TTC23: variants seen among roughly 807,000 people sequenced by gnomAD.
TTC23 encodes tetratricopeptide repeat protein 23.
Under a neutral mutation model 55.1 loss-of-function variants are expected in TTC23, and 58 were observed. That is an observed-to-expected ratio of 1.05 (90% CI 0.85 to 1.31). TTC23 has a LOEUF of 1.31. Ranked by LOEUF, TTC23 falls within the 50% of genes most tolerant of loss-of-function variation. The pLI is 0.00. For missense variants in TTC23, 516 were observed against 534.4 expected, an observed-to-expected ratio of 0.97 and a Z score of 0.34; for synonymous variants, 203 against 199.9, an observed-to-expected ratio of 1.02 and a Z score of -0.13.
intron 12 of TTC23, among the ~76,000 whole-genome samples, chr15:99,151,921 C>G (rs548114169): frequency 6.6e-6 from 1 of 152,304 alleles, no homozygotes; most frequent in African/African-American, 2.4e-5. Flanking sequence ...CAAGACACGT[C>G]TCTCTCAGCC....
chr15:99,207,952 T>C (rs1442766580), intron 8 of TTC23, among the ~76,000 whole-genome samples: 1 of 152,172 alleles, frequency 6.6e-6, no homozygotes, highest in Non-Finnish European at 1.5e-5. Flanking sequence ...ATTCCACTCC[T>C]GGGAATATAC....
chr15:99,212,318 G>A (rs2077106438), intron 8 of TTC23, among the ~76,000 whole-genome samples: 1 of 151,876 alleles, frequency 6.6e-6, no homozygotes, highest in Non-Finnish European at 1.5e-5. Context: ...GCATATGCCT[G>A]TATATACAAA....
chr15:99,176,218 G>A (rs1309087515), intron 9 of TTC23, among the ~76,000 whole-genome samples: 5 of 152,150 alleles, frequency 3.3e-5, no homozygotes, highest in Admixed American at 6.5e-5. Flanking sequence ...AGTGTGTGCA[G>A]TACAAAAAAT....
chr15:99,183,315 T>C (rs897320994), intron 9 of TTC23, among the ~76,000 whole-genome samples: 1 of 150,628 alleles, frequency 6.6e-6, no homozygotes, highest in Non-Finnish European at 1.5e-5. Flanking sequence ...GGAAGAAATT[T>C]CTTTCTTTTC....
At chr15:99,158,585 G>A (rs1263040008) in intron 11 of TTC23, 1 of 152,536 alleles carries the variant, frequency 6.6e-6, no homozygotes, top group Non-Finnish European at 1.5e-5. Context: ...GGGCCAGTGA[G>A]TGGCCAGGCT....
At chr15:99,224,884 T>G (rs1469693671) in intron 5 of TTC23, among the ~76,000 whole-genome samples, 1 of 152,258 alleles carries the variant, frequency 6.6e-6, no homozygotes, top group Non-Finnish European at 1.5e-5. Flanking sequence ...AGGCTGAGCA[T>G]CTTCATGTGT....
intron 12 of TTC23, among the ~76,000 whole-genome samples, chr15:99,142,798 G>A (rs2068396152): frequency 6.6e-6 from 1 of 152,178 alleles, no homozygotes; most frequent in South Asian, 2.1e-4. Flanking sequence ...AAACCCGTGT[G>A]CTCACCATTT....
At chr15:99,200,137 T>C in intron 8 of TTC23, 41 bp from the exon 9 acceptor site, 2 of 1,479,260 alleles carry the variant, frequency 1.4e-6, no homozygotes, top group Non-Finnish European at 1.8e-6. Flanking sequence ...ATAATTAAAA[T>C]AGAAAATACT....
intron 8 of TTC23, among the ~76,000 whole-genome samples, chr15:99,213,051 G>T (rs2077175218): frequency 6.7e-6 from 1 of 149,604 alleles, no homozygotes. Flanking sequence ...AAATTATCTT[G>T]GCCTTCCACT....
chr15:99,251,093 T>C (rs2080704036), upstream of TTC23: 2 of 152,122 alleles, frequency 1.3e-5, no homozygotes, highest in Non-Finnish European at 2.9e-5. Flanking sequence ...ACTGAATGAA[T>C]GTATGAATGA....
intron 1 of TTC23, among the ~76,000 whole-genome samples, chr15:99,246,845 G>A (rs1288473432): frequency 6.6e-6 from 1 of 152,082 alleles, no homozygotes; most frequent in South Asian, 2.1e-4. Flanking sequence ...GCTTGAACCC[G>A]GAAGGTGGAC....
intron 9 of TTC23, among the ~76,000 whole-genome samples, chr15:99,190,814 C>T (rs2075188240): frequency 6.6e-6 from 1 of 152,054 alleles, no homozygotes; most frequent in Non-Finnish European, 1.5e-5. Context: ...GGGTGAAGTG[C>T]AGTGGCGTCC....
chr15:99,246,404 A>G (rs144664026), intron 1 of TTC23, among the ~76,000 whole-genome samples: 3,150 of 152,226 alleles, frequency 0.021, 96 homozygotes, highest in African/African-American at 0.072. Flanking sequence ...TCACGAGGTC[A>G]AGAGTTCAAG....
At chr15:99,163,836 C>G (rs2071703065) in intron 10 of TTC23, among the ~76,000 whole-genome samples, 1 of 152,216 alleles carries the variant, frequency 6.6e-6, no homozygotes, top group Non-Finnish European at 1.5e-5. Context: ...GGCACCAAAT[C>G]TACCAGAGCC....
At chr15:99,210,307 TGA>T (rs889758145) in intron 8 of TTC23, among the ~76,000 whole-genome samples, 1 of 152,114 alleles carries the variant, frequency 6.6e-6, no homozygotes, top group African/African-American at 2.4e-5. Flanking sequence ...ATAAAGTATA[TGA>T]GAGTAACCTG....
At position 99,221,852 on chromosome 15, in the gene TTC23, C is replaced by T. The variant is rs557649307; in HGVS notation, c.193G>A (p.Val65Ile). The T allele has an allele frequency of 1.4e-5, 22 of 1,614,118 alleles. No homozygotes were observed. The highest frequency in any genetic ancestry group is 4.5e-5 in the East Asian group (2 of 44,870). Residue 65 changes from valine (V) to isoleucine (I), a missense_variant, in exon 6 of 14, where the codon GTC (valine) becomes ATC (isoleucine). Transcript: ENST00000394132. Reference sequence around the variant, plus strand: ...GCTACGCAACGCACAAGCTCATGGACGGCCTGTTTGTACTGTTAGGAAGAG... The same window carrying T: ...GCTACGCAACGCACAAGCTCATGGATGGCCTGTTTGTACTGTTAGGAAGAG... ...YSNSHEYKQA[V>I]HELVRCVALT...
At chr15:99,192,373 C>T (rs115364217) in intron 9 of TTC23, among the ~76,000 whole-genome samples, 8,692 of 152,222 alleles carry the variant, frequency 0.057, 294 homozygotes, top group African/African-American at 0.085. Context: ...AGTGGTTTCA[C>T]GGGCTGGGCC....
chr15:99,210,554 T>G (rs2076964190), intron 8 of TTC23, among the ~76,000 whole-genome samples: 1 of 152,182 alleles, frequency 6.6e-6, no homozygotes, highest in Non-Finnish European at 1.5e-5. Context: ...AAGAGCAGGA[T>G]GTTCTCAGGG....
At chr15:99,143,059 G>A (rs2068430576) in intron 12 of TTC23, among the ~76,000 whole-genome samples, 1 of 152,144 alleles carries the variant, frequency 6.6e-6, no homozygotes, top group African/African-American at 2.4e-5. Flanking sequence ...GATGCAAAGG[G>A]GTGTCAGCTA....
Sources: allele counts gnomAD v4.1 joint callset (sites outside exome capture counted in the v4.1 genomes callset), GRCh38; gene constraint gnomAD v4.1.1; transcripts MANE v1.5; gene names NCBI Gene and HGNC (gene_info 2026-07-23, HGNC 2026-07-21).